Variants in TRIM62 observed in about 807,000 individuals in gnomAD.
TRIM62 encodes the protein E3 ubiquitin-protein ligase TRIM62.
In TRIM62, 39 loss-of-function variants were observed where a neutral mutation model predicts 44.2. The observed-to-expected ratio is 0.88, with a 90% CI of 0.68 to 1.15. The LOEUF (loss-of-function observed/expected upper bound fraction) is 1.15. Among genes scored for constraint, TRIM62 ranks in the 50% most tolerant of loss-of-function variants. TRIM62 has a pLI of 0.00. For synonymous variants in TRIM62, 278 were observed against 292.3 expected (o/e 0.95, Z 0.50); for missense variants, 544 against 665.5 (o/e 0.82, Z 2.01).
In TRIM62 at chr1:33,145,867, A is replaced by G; in HGVS notation, c.*1310T>C. On this transcript the variant is annotated 3_prime_UTR_variant, in exon 5 of 5. Transcript: ENST00000291416. ...CCCACCCTAACTTCCTTCTAGGGAAATGACATTTCCCAGACTCCCTTGCAG... is the reference window on the plus strand; with the variant it reads ...CCCACCCTAACTTCCTTCTAGGGAAGTGACATTTCCCAGACTCCCTTGCAG... The G allele has an allele frequency of 2.1e-6, 1 of 471,204 alleles. No individual in the cohort carries two copies. The highest frequency in any genetic ancestry group is 1.5e-5 in the South Asian group (1 of 64,562). 29.2% of individuals were successfully genotyped at this position (471,204 alleles called of 1,614,324 possible). A position where few individuals can be genotyped will look rare whatever the true frequency, so the allele number is the denominator to read the frequency against.
intron 4 of TRIM62, among the ~76,000 whole-genome samples, chr1:33,148,478 A>G (rs898207183): frequency 6.6e-6 from 1 of 152,142 alleles, no homozygotes; most frequent in Non-Finnish European, 1.5e-5. Flanking sequence ...TAAGGGCAAC[A>G]CCACTGACTG....
chr1:33,177,073 ACACACATG>A lies in TRIM62; in HGVS notation c.408+3944_408+3951del, dbSNP rs1429412591. Among the ~76,000 whole-genome samples the A allele has an allele frequency of 1.4e-5, 2 of 147,800 alleles. No homozygotes were observed. Among genetic ancestry groups the A allele is most frequent in the Non-Finnish European group, 3.0e-5 (2 of 67,544 alleles). On this transcript the variant is annotated intron_variant, in intron 1 of 4. Transcript: ENST00000291416. This position sits in a 1 kb window ranked among gnomAD's most constrained non-coding sequence, Gnocchi z 4.1. Reference sequence around the variant, plus strand: ...CACGCACACACACACACATGCACACACACACATGCATGCACAAATGCACACACATGCAC... The same window carrying A: ...CACGCACACACACACACATGCACACACATGCACAAATGCACACACATGCAC...
Position 33,179,686 on chromosome 1 carries a change from T to G in TRIM62, c.408+1339A>C, listed in dbSNP as rs78521077. Reference sequence around the variant, plus strand: ...TTGCACCAGGCTTTGGGGCCATAGATAGGAGAAATAAGATTCTGTCTCTGG... The same window carrying G: ...TTGCACCAGGCTTTGGGGCCATAGAGAGGAGAAATAAGATTCTGTCTCTGG... On this transcript the variant is annotated intron_variant, in intron 1 of 4. Coordinates refer to ENST00000291416, the MANE Select transcript of TRIM62 (RefSeq NM_018207.3). Among the ~76,000 whole-genome samples the G allele has an allele frequency of 3.3e-3, 501 of 152,272 alleles. 6 individuals carry two copies. The highest frequency in any genetic ancestry group is 0.012 in the African/African-American group (479 of 41,556).
At position 33,181,088 on chromosome 1, in the gene TRIM62, G is replaced by C; in HGVS notation, c.345C>G (p.Asp115Glu). 1 of 1,599,320 alleles carries C rather than the reference G, an allele frequency of 6.3e-7. No individual in the cohort carries two copies. Among genetic ancestry groups the C allele is most frequent in the Non-Finnish European group, 8.5e-7 (1 of 1,178,638 alleles). ...TDRALLCFFC[D>E]EPALHEQHQV... ...GATGCTGCTCGTGCAGTGCAGGCTC[G>C]TCGCAGAAGAAGCAGAGAAGCGCGC... Residue 115 changes from aspartate (D) to glutamate (E), a missense_variant, in exon 1 of 5, where the codon GAC (aspartate) becomes GAG (glutamate). Coordinates refer to ENST00000291416, the MANE Select transcript of TRIM62 (RefSeq NM_018207.3). The surrounding 1 kb of genome is among the most constrained non-coding windows in gnomAD (Gnocchi z 6.5).
Position 33,181,356 on chromosome 1 carries a change from C to T in TRIM62, c.77G>A (p.Cys26Tyr). 1 of 1,593,288 alleles carries T rather than the reference C, an allele frequency of 6.3e-7. No individual in the cohort carries two copies. The highest frequency in any genetic ancestry group is 8.5e-7 in the Non-Finnish European group (1 of 1,173,312). Residue 26 changes from cysteine to tyrosine, a missense_variant, in exon 1 of 5, where the codon TGC becomes TAC. Physicochemically the swap from Cys to Tyr is radical, Grantham distance 194. Coordinates refer to ENST00000291416, the MANE Select transcript of TRIM62 (RefSeq NM_018207.3). The surrounding 1 kb of genome is among the most constrained non-coding windows in gnomAD (Gnocchi z 6.5). The part of the protein sequence containing the change: ...SIYQDPVSLG[C>Y]EHYFCRRCIT... ...GCAGCGGCGGCAGAAGTAATGCTCG[C>T]AGCCCAGGCTCACCGGGTCCTGGTA...
Position 33,181,235 on chromosome 1 carries a change from G to A in TRIM62, c.198C>T (p.Leu66=), listed in dbSNP as rs980879066. The part of the protein sequence containing the change: ...TFAEPALAPS[L]KLANIVERYS... ...AGCGCTCCACGATGTTGGCCAGCTT[G>A]AGGCTGGGCGCCAGCGCGGGCTCGG... The change falls in exon 1 of 5, where the codon CTC becomes CTT. Residue 66 remains leucine (L), a synonymous_variant. Transcript: ENST00000291416. This position sits in a 1 kb window ranked among gnomAD's most constrained non-coding sequence, Gnocchi z 6.5. 5.8e-6 allele frequency: 9 copies of A among 1,561,094 alleles called. No homozygotes were observed. In the Middle Eastern group the frequency reaches 6.6e-4, roughly 115 times the overall value.
In TRIM62 at chr1:33,158,367, G is replaced by A; in HGVS notation, c.763C>T (p.Leu255Phe). ...TTGGTCTCATGGATTTTTCCCTTGAGCCTGGAAGGAGAGCAGGAAAGGGGG... is the reference window on the plus strand; with the variant it reads ...TTGGTCTCATGGATTTTTCCCTTGAACCTGGAAGGAGAGCAGGAAAGGGGG... ...LAGVASLSERLKGKIHETNLT... is the reference protein window; with the variant it reads ...LAGVASLSERFKGKIHETNLT... Residue 255 changes from leucine (L) to phenylalanine (F), a missense_variant and splice_region_variant, in exon 4 of 5, where the codon CTC becomes TTC. Leu to Phe is a conservative substitution (Grantham distance 22). Transcript: ENST00000291416. 27 of 1,613,310 alleles carry A rather than the reference G, an allele frequency of 1.7e-5. No individual in the cohort carries two copies. The highest frequency in any genetic ancestry group is 2.2e-5 in the East Asian group (1 of 44,852).
At chr1:33,176,866 A>C (rs1045442569) in intron 1 of TRIM62, among the ~76,000 whole-genome samples, 1 of 152,206 alleles carries the variant, frequency 6.6e-6, no homozygotes, top group Admixed American at 6.5e-5. Context: ...AGATTAAATG[A>C]GGTAATGCAA....
intron 1 of TRIM62, among the ~76,000 whole-genome samples, chr1:33,174,621 C>T (rs556119776): frequency 2.6e-5 from 4 of 152,230 alleles, no homozygotes; most frequent in African/African-American, 9.6e-5. Flanking sequence ...CCTGTCAAAG[C>T]CTTGAACCCA....
intron 2 of TRIM62, among the ~76,000 whole-genome samples, chr1:33,162,473 T>C (rs1323224649): frequency 6.6e-6 from 1 of 152,202 alleles, no homozygotes; most frequent in Non-Finnish European, 1.5e-5. Flanking sequence ...TCTCCCTGGC[T>C]AGTAAGTGGG....
Position 33,159,827 on chromosome 1 carries a change from G to A in TRIM62, c.622C>T (p.Leu208=), listed in dbSNP as rs1399590539. ...EELEADTART[L]TDIEQKVQRY... ...TGGACTTTCTGCTCGATGTCGGTCAGCGTGCGGGCCGTGTCCGCCTCCAGC... is the reference window on the plus strand; with the variant it reads ...TGGACTTTCTGCTCGATGTCGGTCAACGTGCGGGCCGTGTCCGCCTCCAGC... Residue 208 remains leucine, a synonymous_variant, in exon 3 of 5, where the codon CTG becomes TTG. Coordinates refer to ENST00000291416, the MANE Select transcript of TRIM62 (RefSeq NM_018207.3). The surrounding 1 kb of genome is among the most constrained non-coding windows in gnomAD (Gnocchi z 4.2). 6.2e-7 allele frequency: 1 copy of A among 1,613,832 alleles called. No individual in the cohort carries two copies. The highest frequency in any genetic ancestry group is 1.7e-5 in the Admixed American group (1 of 60,034).
chr1:33,166,513 A>G (rs1235248698), intron 1 of TRIM62, among the ~76,000 whole-genome samples: 1 of 152,178 alleles, frequency 6.6e-6, no homozygotes, highest in Non-Finnish European at 1.5e-5. Flanking sequence ...CTTTGCTTAT[A>G]TTAAATCATT....
chr1:33,180,070 A>G (rs1645449185), intron 1 of TRIM62, among the ~76,000 whole-genome samples: 1 of 139,530 alleles, frequency 7.2e-6, no homozygotes, highest in Non-Finnish European at 1.6e-5. Flanking sequence ...GCTCAATAAA[A>G]GTTGAGTAGG....
chr1:33,164,685 AG>A (rs1645310450), intron 2 of TRIM62: 2 of 152,244 alleles, frequency 1.3e-5, no homozygotes, highest in Non-Finnish European at 2.9e-5. Context: ...CCTGAGCTTA[AG>A]GGGAGATGAT....
chr1:33,165,496 A>C lies in TRIM62; in HGVS notation c.479T>G (p.Leu160Arg), dbSNP rs1055039573. 1 of 1,608,308 alleles carries C rather than the reference A, an allele frequency of 6.2e-7. No individual in the cohort carries two copies. Among genetic ancestry groups the C allele is most frequent in the African/African-American group, 1.3e-5 (1 of 74,770 alleles). Residue 160 changes from leucine (L) to arginine (R), a missense_variant, in exon 2 of 5, where the codon CTC becomes CGC. By Grantham distance (102) the Leu-to-Arg change is moderately radical (BLOSUM62 -2). Coordinates refer to ENST00000291416, the MANE Select transcript of TRIM62 (RefSeq NM_018207.3). The surrounding 1 kb of genome is among the most constrained non-coding windows in gnomAD (Gnocchi z 4.0). Reference protein sequence around the residue: ...EREHTEALQLLKRQLAETKSS... With the variant: ...EREHTEALQLRKRQLAETKSS... ...CTTGGTCTCCGCCAGTTGTCGCTTG[A>C]GCAGCTGCAGCGCTTCGGTGTGTTC...
chr1:33,151,018 CG>C (rs1557749884), intron 4 of TRIM62, among the ~76,000 whole-genome samples: 1 of 151,956 alleles, frequency 6.6e-6, no homozygotes, highest in African/African-American at 2.4e-5. Context: ...TGGTGCGGGG[CG>C]GGGGGTACCC....
rs556429039 is a variant in TRIM62, at chr1:33,157,633, G to C, written c.877+620C>G. ...CTTACTATGGTATCTCCAGCACCTAGAACAGTTCCTGATGTGAACTCTTAT... is the reference window on the plus strand; with the variant it reads ...CTTACTATGGTATCTCCAGCACCTACAACAGTTCCTGATGTGAACTCTTAT... On this transcript the variant is annotated intron_variant, in intron 4 of 4. Transcript: ENST00000291416. Among the ~76,000 whole-genome samples the C allele has an allele frequency of 7.8e-4, 119 of 152,134 alleles. 1 individual carries two copies. The highest frequency in any genetic ancestry group is 1.4e-3 in the Non-Finnish European group (94 of 68,030).
At chr1:33,166,663 C>T (rs1188232274) in intron 1 of TRIM62, among the ~76,000 whole-genome samples, 5 of 152,186 alleles carry the variant, frequency 3.3e-5, no homozygotes, top group African/African-American at 7.2e-5. Context: ...GGAACCCGGA[C>T]AGCCTGGTTG....
intron 1 of TRIM62, among the ~76,000 whole-genome samples, chr1:33,176,718 G>T (rs955346736): frequency 1.3e-5 from 2 of 152,196 alleles, no homozygotes; most frequent in Non-Finnish European, 2.9e-5. Flanking sequence ...ACGGTATGTG[G>T]CCTAGTCAGA....
Sources: allele counts gnomAD v4.1 joint callset (sites outside exome capture counted in the v4.1 genomes callset), GRCh38; gene constraint gnomAD v4.1.1; non-coding constraint Gnocchi (gnomAD v3.1); transcripts MANE v1.5; gene names NCBI Gene and HGNC (gene_info 2026-07-23, HGNC 2026-07-21).